RARB: variants seen among roughly 807,000 people sequenced by gnomAD.
RARB encodes HBV-activated protein.
In RARB, 17 loss-of-function variants were observed where a neutral mutation model predicts 51.9. That is an observed-to-expected ratio of 0.33 (90% CI 0.22 to 0.49). RARB has a LOEUF of 0.49. RARB is among the 20% of genes least tolerant of loss of function. The probability of loss-of-function intolerance (pLI) is 0.99; values close to 1 mark genes in which losing one functional copy is unlikely to be tolerated. For missense variants in RARB, 369 were observed against 550.8 expected, an observed-to-expected ratio of 0.67 and a Z score of 3.30; for synonymous variants, 215 against 195.4, an observed-to-expected ratio of 1.10 and a Z score of -0.84.
intron 2 of RARB, among the ~76,000 whole-genome samples, chr3:25,485,841 T>C (rs973518708): frequency 1.3e-5 from 2 of 152,142 alleles, no homozygotes; most frequent in African/African-American, 4.8e-5. Flanking sequence ...ACACGTTGGC[T>C]TGAGGTGATG....
At chr3:25,206,736 C>G (rs1014548227) in intron 5 of RARB, among the ~76,000 whole-genome samples, 1 of 152,174 alleles carries the variant, frequency 6.6e-6, no homozygotes, top group Non-Finnish European at 1.5e-5. Flanking sequence ...AGGGTGAGTA[C>G]TGCTTCAGTG....
intron 5 of RARB, among the ~76,000 whole-genome samples, chr3:25,345,351 T>C (rs577912478): frequency 1.3e-4 from 20 of 152,288 alleles, no homozygotes; most frequent in African/African-American, 4.6e-4. Context: ...ATCATAATAT[T>C]GGCAAATAGA....
intron 3 of RARB, among the ~76,000 whole-genome samples, chr3:25,074,775 C>A (rs938975629): frequency 1.3e-5 from 2 of 152,172 alleles, no homozygotes; most frequent in African/African-American, 4.8e-5. Flanking sequence ...CTACCAGCCT[C>A]ACTTTTGTAA....
At chr3:24,862,620 CACTT>C (rs2125343025) in intron 2 of RARB, among the ~76,000 whole-genome samples, 1 of 152,186 alleles carries the variant, frequency 6.6e-6, no homozygotes, top group South Asian at 2.1e-4. Context: ...GTCTGGTAGT[CACTT>C]AGTCATTTCA....
rs142614072 is a variant in RARB at position 25,084,526 on chromosome 3, T to A, written c.-328+24350T>A. Among the ~76,000 whole-genome samples, 663 of 79,666 alleles carry A rather than the reference T, an allele frequency of 8.3e-3. 5 individuals carry two copies. The highest frequency in any genetic ancestry group is 0.035 in the African/African-American group (594 of 16,810). The allele number at this position is 79,666 out of a possible 152,430, so 52.3% of individuals were successfully genotyped here. ...GTTGATATCATCAATACGTATTGGATTCTTTACACATCATTAATCCCTTCT... is the reference window on the plus strand; with the variant it reads ...GTTGATATCATCAATACGTATTGGAATCTTTACACATCATTAATCCCTTCT... On this transcript the variant is annotated intron_variant, in intron 3 of 11. Transcript: ENST00000383772.
chr3:24,925,774 C>A (rs1289409751), intron 2 of RARB, among the ~76,000 whole-genome samples: 1 of 151,308 alleles, frequency 6.6e-6, no homozygotes, highest in Non-Finnish European at 1.5e-5. Flanking sequence ...TCACAACTTT[C>A]AATAGCTTAC....
intron 2 of RARB, among the ~76,000 whole-genome samples, chr3:25,007,127 A>G (rs1008959664): frequency 5.3e-5 from 8 of 152,244 alleles, no homozygotes; most frequent in African/African-American, 1.9e-4. Context: ...CCCAAAAGAT[A>G]CAACATGAAT....
Position 25,201,032 on chromosome 3 carries a change from C to G in RARB, c.178+26457C>G, listed in dbSNP as rs998247542. Among the ~76,000 whole-genome samples, 3 of 152,146 alleles carry G rather than the reference C, an allele frequency of 2.0e-5. No individual in the cohort carries two copies. The East Asian group carries it at 5.8e-4, about 29-fold the overall frequency. The stretch of plus-strand genomic sequence containing the variant: ...CATTGAATCTATAAATTACCTTGGG[C>G]AGTATGGCCATTTTCACGATATTGA... On this transcript the variant is annotated intron_variant, in intron 5 of 11. Transcript: ENST00000383772.
chr3:25,327,175 T>A (rs551461654), intron 5 of RARB, among the ~76,000 whole-genome samples: 97 of 152,164 alleles, frequency 6.4e-4, no homozygotes, highest in Non-Finnish European at 1.3e-3. Flanking sequence ...AACATTTGGC[T>A]ATTAAGAATT....
chr3:24,912,233 G>A (rs569630463), intron 2 of RARB, among the ~76,000 whole-genome samples: 2 of 152,228 alleles, frequency 1.3e-5, no homozygotes, highest in Admixed American at 6.5e-5. Context: ...GTTGGCATCA[G>A]GCATACAAGG....
intron 2 of RARB, among the ~76,000 whole-genome samples, chr3:24,957,792 G>A (rs1186220956): frequency 6.6e-6 from 1 of 152,170 alleles, no homozygotes; most frequent in East Asian, 1.9e-4. Flanking sequence ...GGCAGAGTTA[G>A]ATCCCGTTAG....
intron 2 of RARB, among the ~76,000 whole-genome samples, chr3:25,032,021 A>T (rs188406550): frequency 5.9e-5 from 9 of 151,730 alleles, no homozygotes; most frequent in Admixed American, 5.2e-4. Flanking sequence ...AGGAGAAGGA[A>T]TTTTTTTTCT....
intron 2 of RARB, among the ~76,000 whole-genome samples, chr3:24,871,059 G>A (rs1702937327): frequency 6.6e-6 from 1 of 151,554 alleles, no homozygotes; most frequent in Non-Finnish European, 1.5e-5. Flanking sequence ...ATCTTTATGA[G>A]TTCAGTTGTT....
intron 5 of RARB, among the ~76,000 whole-genome samples, chr3:25,188,928 C>G (rs17578042): frequency 0.097 from 14,711 of 151,980 alleles, 962 homozygotes; most frequent in South Asian, 0.25. Flanking sequence ...AGGTTGAAGC[C>G]CATTTGAGGC....
At chr3:25,267,453 A>G (rs1341735637) in intron 5 of RARB, among the ~76,000 whole-genome samples, 2 of 152,068 alleles carry the variant, frequency 1.3e-5, no homozygotes, top group East Asian at 1.9e-4. Flanking sequence ...AGATGTCCTG[A>G]AGTCTCTATT....
intron 5 of RARB, among the ~76,000 whole-genome samples, chr3:25,412,479 G>A (rs1707588466): frequency 6.6e-6 from 1 of 152,130 alleles, no homozygotes. Flanking sequence ...CTCATGTTGA[G>A]AGCTCCTTCC....
chr3:25,390,562 A>G (rs1706921602), intron 5 of RARB, among the ~76,000 whole-genome samples: 1 of 151,742 alleles, frequency 6.6e-6, no homozygotes, highest in Non-Finnish European at 1.5e-5. Flanking sequence ...TGTGAATATT[A>G]GAAGACCCGT....
At chr3:25,086,760 G>A (rs533091204) in intron 3 of RARB, among the ~76,000 whole-genome samples, 1 of 152,054 alleles carries the variant, frequency 6.6e-6, no homozygotes, top group African/African-American at 2.4e-5. Flanking sequence ...ATTGGCAGTT[G>A]GTTGAAAGAG....
rs1205308136 is a variant in RARB, at chr3:25,051,286, T to A, written c.-379-8839T>A. Among the ~76,000 whole-genome samples, 10 of 152,144 alleles carry A rather than the reference T, an allele frequency of 6.6e-5. No individual in the cohort carries two copies. In the East Asian group the frequency reaches 1.7e-3, roughly 26 times the overall value. The stretch of plus-strand genomic sequence containing the variant: ...AGGAATAGAAACGTGTAATTGTTGT[T>A]GTGAATGTTATATTTGTTATTGTAG... On this transcript the variant is annotated intron_variant, in intron 2 of 11. Transcript: ENST00000383772.
Sources: gnomAD v4.1 joint callset for allele counts (sites outside exome capture counted in the v4.1 genomes callset) on GRCh38, gnomAD v4.1.1 for gene constraint, MANE v1.5 for transcripts, NCBI Gene and HGNC (gene_info 2026-07-23, HGNC 2026-07-21) for gene names.